AKT1: variants seen among roughly 807,000 people sequenced by gnomAD.
AKT1 encodes RAC-alpha serine/threonine-protein kinase.
Under a neutral mutation model 63.1 loss-of-function variants are expected in AKT1, and 21 were observed. The ratio of observed to expected loss-of-function variants is 0.33; its 90% CI spans 0.24 to 0.48. The LOEUF (loss-of-function observed/expected upper bound fraction) is 0.48, where lower values mean the gene tolerates loss of function less well. Among genes scored for constraint, AKT1 ranks in the 20% least tolerant of loss-of-function variants. The pLI is 0.99. For synonymous variants in AKT1, 257 were observed against 253.1 expected (o/e 1.02, Z -0.15); for missense variants, 382 against 666.0 (o/e 0.57, Z 4.69).
In AKT1 at chr14:104,773,002, A is replaced by G. The variant is rs2140901613; in HGVS notation, c.1048T>C (p.Tyr350His). The G allele has an allele frequency of 6.2e-7, 1 of 1,614,184 alleles. No homozygotes were observed. The highest frequency in any genetic ancestry group is 8.5e-7 in the Non-Finnish European group (1 of 1,180,026). ...YEMMCGRLPFYNQDHEKLFEL... is the reference protein window; with the variant it reads ...YEMMCGRLPFHNQDHEKLFEL... ...AAAAGCTTCTCATGGTCCTGGTTGT[A>G]GAAGGGCAGGCGACCGCACATCATC... The change falls in exon 12 of 15, where the codon TAC becomes CAC. Residue 350 changes from tyrosine to histidine, a missense_variant. Transcript: ENST00000649815.
At chr14:104,787,661 G>T (rs1206400206) in intron 3 of AKT1, among the ~76,000 whole-genome samples, 2 of 152,220 alleles carry the variant, frequency 1.3e-5, no homozygotes, top group African/African-American at 2.4e-5. Flanking sequence ...GGGGGTCTAG[G>T]CCCCAGCACA....
At chr14:104,787,084 C>T (rs549733837) in intron 3 of AKT1, among the ~76,000 whole-genome samples, 5 of 152,228 alleles carry the variant, frequency 3.3e-5, no homozygotes, top group African/African-American at 1.2e-4. Context: ...CCAAACACAG[C>T]GCCCCAAGGA....
intron 4 of AKT1, 122 bp from the exon 5 acceptor site, chr14:104,776,892 C>A: frequency 1.4e-6 from 1 of 722,252 alleles, no homozygotes; most frequent in Admixed American, 2.6e-5. Flanking sequence ...TGGGAAGCCC[C>A]ATCTCTTCCT....
At chr14:104,785,694 C>T (rs1473531668) in intron 3 of AKT1, among the ~76,000 whole-genome samples, 2 of 152,200 alleles carry the variant, frequency 1.3e-5, no homozygotes, top group Non-Finnish European at 2.9e-5. Flanking sequence ...GCCGCCAAGG[C>T]AGGGGTTGTA....
intron 3 of AKT1, among the ~76,000 whole-genome samples, chr14:104,785,537 G>C (rs1260081307): frequency 6.6e-6 from 1 of 152,144 alleles, no homozygotes; most frequent in African/African-American, 2.4e-5. Context: ...GCCTCGCCCA[G>C]CCCAGGACCC....
chr14:104,780,224 C>A lies in AKT1; in HGVS notation c.47-8G>T, dbSNP rs770565457. 4 of 1,612,780 alleles carry A rather than the reference C, an allele frequency of 2.5e-6. No individual in the cohort carries two copies. The highest frequency in any genetic ancestry group is 2.5e-6 in the Non-Finnish European group (3 of 1,179,608). On this transcript the variant is annotated splice_polypyrimidine_tract_variant and splice_region_variant and intron_variant, in intron 3 of 14. Transcript: ENST00000649815. Reference sequence around the variant, plus strand: ...AGGTCTTGATGTACTCCCCTACAGACGTGCGGGTGGTGAGAGCCACGCACA... The same window carrying A: ...AGGTCTTGATGTACTCCCCTACAGAAGTGCGGGTGGTGAGAGCCACGCACA...
At chr14:104,770,875 A>G (rs776954420) in intron 13 of AKT1, 28 bp from the exon 14 acceptor site, 6 of 1,603,088 alleles carry the variant, frequency 3.7e-6, no homozygotes, top group South Asian at 3.3e-5. Flanking sequence ...CGGGACAGTC[A>G]TGAGCTTCGC....
intron 3 of AKT1, among the ~76,000 whole-genome samples, chr14:104,782,754 C>G (rs929893132): frequency 1.3e-5 from 2 of 152,128 alleles, no homozygotes; most frequent in African/African-American, 4.8e-5. Flanking sequence ...TGGCCTTTGT[C>G]TTCGGCATCC....
chr14:104,779,365 G>A (rs1892900878), intron 4 of AKT1, among the ~76,000 whole-genome samples: 1 of 152,232 alleles, frequency 6.6e-6, no homozygotes, highest in Non-Finnish European at 1.5e-5. Context: ...CCTGTGCAGG[G>A]AGAGGCACGA....
chr14:104,793,533 C>T (rs940799910), intron 1 of AKT1: 1 of 177,808 alleles, frequency 5.6e-6, no homozygotes, highest in South Asian at 2.0e-4. Context: ...GCGCTGGAGA[C>T]AAAGAGAGGT....
Position 104,770,685 on chromosome 14 carries a change from C to A in AKT1, c.1363+60G>T. On this transcript the variant is annotated intron_variant, in intron 14 of 14. Transcript: ENST00000649815. Reference sequence around the variant, plus strand: ...CTGAAGCCAAAAAAGCTGAACACTGCAGGCCTCTCTGAGTGTGGAGAGAAA... The same window carrying A: ...CTGAAGCCAAAAAAGCTGAACACTGAAGGCCTCTCTGAGTGTGGAGAGAAA... The A allele has an allele frequency of 2.1e-6, 3 of 1,461,490 alleles. No individual in the cohort carries two copies. In the Admixed American group the frequency reaches 5.0e-5, roughly 25 times the overall value. The allele number at this position is 1,461,490 out of a possible 1,614,324, so 90.5% of individuals were successfully genotyped here. A position where few individuals can be genotyped will look rare whatever the true frequency, so the allele number is the denominator to read the frequency against.
In AKT1 at chr14:104,769,483, T is replaced by A. The variant is rs1428273305; in HGVS notation, c.*858A>T. The A allele has an allele frequency of 1.9e-6, 1 of 514,872 alleles. No individual in the cohort carries two copies. The highest frequency in any genetic ancestry group is 1.9e-5 in the African/African-American group (1 of 52,182). The allele number at this position is 514,872 out of a possible 1,614,324, so 31.9% of individuals were successfully genotyped here. On this transcript the variant is annotated 3_prime_UTR_variant, in exon 15 of 15. Transcript: ENST00000649815. ...AGCGGCAGCGTCTGGCCAGGAGGCG[T>A]GGAGGGGCCCAGGGATGGCCACCCC...
At chr14:104,774,158 C>T in intron 8 of AKT1, 178 bp from the exon 9 acceptor site, 1 of 623,604 alleles carries the variant, frequency 1.6e-6, no homozygotes, top group South Asian at 1.8e-5. Flanking sequence ...CCACACTGCC[C>T]CACACCACAC....
intron 3 of AKT1, among the ~76,000 whole-genome samples, chr14:104,792,167 C>T (rs999807021): frequency 2.0e-5 from 3 of 152,160 alleles, no homozygotes; most frequent in African/African-American, 7.2e-5. Context: ...GGTACGGATT[C>T]CCCCCACCCC....
chr14:104,784,855 C>T (rs1445327112), intron 3 of AKT1, among the ~76,000 whole-genome samples: 1 of 152,230 alleles, frequency 6.6e-6, no homozygotes, highest in Non-Finnish European at 1.5e-5. Flanking sequence ...CCTCCACGTC[C>T]CGGGACTGAC....
At chr14:104,773,809 C>T in intron 9 of AKT1, 103 bp downstream of exon 9, 1 of 1,313,060 alleles carries the variant, frequency 7.6e-7, no homozygotes, top group Non-Finnish European at 1.1e-6. Flanking sequence ...GCAGGGAGCA[C>T]CGTCTGGTGC....
chr14:104,775,186 G>A lies in AKT1; in HGVS notation c.457C>T (p.Leu153=), dbSNP rs149803079. The change falls in exon 7 of 15, where the codon CTG becomes TTG. Residue 153 remains leucine (L), a synonymous_variant. Coordinates refer to ENST00000649815, the MANE Select transcript of AKT1 (RefSeq NM_001382430.1). ...HRVTMNEFEY[L]KLLGKGTFGK... ...AAAGTGCCCTTGCCCAGCAGCTTCA[G>A]GTACTCAAACTCGTTCATGGTCTAT... 6.2e-7 allele frequency: 1 copy of A among 1,613,970 alleles called. No individual in the cohort carries two copies. The highest frequency in any genetic ancestry group is 1.3e-5 in the African/African-American group (1 of 74,928).
In AKT1 at chr14:104,795,728, G is replaced by A. The variant is rs1448390983; in HGVS notation, c.-502C>T. On this transcript the variant is annotated 5_prime_UTR_variant, in exon 1 of 15. Transcript: ENST00000649815. This position sits in a 1 kb window ranked among gnomAD's most constrained non-coding sequence, Gnocchi z 5.1. Reference sequence around the variant, plus strand: ...GCGTGCGCTGGGCCAGCCGCCTGCCGCGCTCGGTCCTGCCGCCGCCGCCGG... The same window carrying A: ...GCGTGCGCTGGGCCAGCCGCCTGCCACGCTCGGTCCTGCCGCCGCCGCCGG... The A allele has an allele frequency of 2.7e-5, 4 of 146,308 alleles. No individual in the cohort carries two copies. Among genetic ancestry groups the A allele is most frequent in the Non-Finnish European group, 3.0e-5 (2 of 65,606 alleles). 9.1% of individuals were successfully genotyped at this position (146,308 alleles called of 1,614,324 possible). A position where few individuals can be genotyped will look rare whatever the true frequency, so the allele number is the denominator to read the frequency against.
chr14:104,795,640 C>CGCTCGGT lies in AKT1; in HGVS notation c.-421_-415dup. 6.9e-6 allele frequency: 1 copy of CGCTCGGT among 145,422 alleles called. No individual in the cohort carries two copies. The highest frequency in any genetic ancestry group is 2.0e-4 in the South Asian group (1 of 4,980). 9.0% of individuals were successfully genotyped at this position (145,422 alleles called of 1,614,324 possible). A position where few individuals can be genotyped will look rare whatever the true frequency, so the allele number is the denominator to read the frequency against. ...GGGGCCGGGCCTCGCGTGCCGCCGCCGCTCGGTGCCCGGTGCCCAGCGCTC... is the reference window on the plus strand; with the variant it reads ...GGGGCCGGGCCTCGCGTGCCGCCGCCGCTCGGTGCTCGGTGCCCGGTGCCCAGCGCTC... On this transcript the variant is annotated 5_prime_UTR_variant, in exon 1 of 15. Coordinates refer to ENST00000649815, the MANE Select transcript of AKT1 (RefSeq NM_001382430.1). This position sits in a 1 kb window ranked among gnomAD's most constrained non-coding sequence, Gnocchi z 5.1.
Sources: gnomAD v4.1 joint callset for allele counts (sites outside exome capture counted in the v4.1 genomes callset) on GRCh38, gnomAD v4.1.1 for gene constraint, Gnocchi (gnomAD v3.1) non-coding constraint, MANE v1.5 for transcripts, NCBI Gene and HGNC (gene_info 2026-07-23, HGNC 2026-07-21) for gene names.